Variants in EDIL3 observed in about 807,000 individuals in gnomAD.
EDIL3 encodes the protein EGF-like repeat and discoidin I-like domain-containing protein 3.
Under a neutral mutation model 67.4 loss-of-function variants are expected in EDIL3, and 37 were observed. The observed-to-expected ratio is 0.55, with a 90% CI of 0.42 to 0.72. The LOEUF is 0.72. Among genes scored for constraint, EDIL3 ranks in the 30% least tolerant of loss-of-function variants. The pLI, the probability that EDIL3 is intolerant of heterozygous loss-of-function variation, is 0.00. For missense variants in EDIL3, 527 were observed against 586.3 expected (o/e 0.90, Z 1.04); for synonymous variants, 195 against 196.3 (o/e 0.99, Z 0.05).
intron 1 of EDIL3, among the ~76,000 whole-genome samples, chr5:84,382,084 G>A (rs1206342905): frequency 6.6e-6 from 1 of 152,218 alleles, no homozygotes; most frequent in Non-Finnish European, 1.5e-5. Context: ...CTGCAGAGGT[G>A]AGGGAGAAAA....
chr5:84,019,852 T>C (rs937838292), intron 9 of EDIL3, among the ~76,000 whole-genome samples: 2 of 152,056 alleles, frequency 1.3e-5, no homozygotes, highest in African/African-American at 4.8e-5. Context: ...GTTTAGCTCC[T>C]GAGTTGCTGG....
At chr5:84,253,298 T>C (rs565609385) in intron 2 of EDIL3, among the ~76,000 whole-genome samples, 1 of 152,352 alleles carries the variant, frequency 6.6e-6, no homozygotes, top group Admixed American at 6.5e-5. Context: ...TATTCCATCT[T>C]GTACTCTTCG....
intron 7 of EDIL3, 77 bp downstream of exon 7, chr5:84,066,374 G>A: frequency 2.8e-6 from 4 of 1,452,416 alleles, no homozygotes; most frequent in Non-Finnish European, 3.6e-6. Context: ...GTCTTCTCCT[G>A]AAGACCTTGT....
chr5:84,383,191 G>A (rs1259819533), intron 1 of EDIL3, among the ~76,000 whole-genome samples: 1 of 152,112 alleles, frequency 6.6e-6, no homozygotes, highest in Non-Finnish European at 1.5e-5. Context: ...ATTACCCGCG[G>A]ATCCCTCACA....
chr5:84,182,463 TA>T (rs1214272440), intron 3 of EDIL3, among the ~76,000 whole-genome samples: 2 of 148,412 alleles, frequency 1.3e-5, no homozygotes, highest in East Asian at 4.0e-4. Context: ...CTCAAAAAAC[TA>T]AACTTTAAAA....
intron 1 of EDIL3, among the ~76,000 whole-genome samples, chr5:84,255,899 T>A (rs964438742): frequency 6.6e-6 from 1 of 152,174 alleles, no homozygotes; most frequent in Non-Finnish European, 1.5e-5. Flanking sequence ...GCTAAGAAAG[T>A]ATAAATATGT....
chr5:84,028,313 T>A (rs552983093), intron 9 of EDIL3, among the ~76,000 whole-genome samples: 39 of 152,300 alleles, frequency 2.6e-4, no homozygotes, highest in African/African-American at 9.1e-4. Flanking sequence ...GCCAGATTAA[T>A]CATTCTGGAT....
chr5:84,204,663 T>C (rs1743919444), intron 3 of EDIL3, among the ~76,000 whole-genome samples: 1 of 152,048 alleles, frequency 6.6e-6, no homozygotes, highest in Non-Finnish European at 1.5e-5. Context: ...AGCAGGCTCC[T>C]TATGACTGCA....
chr5:84,171,022 T>C (rs1748803056), intron 4 of EDIL3, among the ~76,000 whole-genome samples: 1 of 152,108 alleles, frequency 6.6e-6, no homozygotes, highest in African/African-American at 2.4e-5. Context: ...CTCGAACTCC[T>C]GGCCTCAGGT....
At chr5:83,995,128 C>T (rs1010930917) in intron 9 of EDIL3, among the ~76,000 whole-genome samples, 9 of 143,980 alleles carry the variant, frequency 6.3e-5, no homozygotes, top group Non-Finnish European at 1.0e-4. Context: ...ATTTAATTCC[C>T]GAAAGCAGTA....
chr5:84,000,770 C>T (rs1561398748), intron 9 of EDIL3, among the ~76,000 whole-genome samples: 1 of 151,990 alleles, frequency 6.6e-6, no homozygotes, highest in African/African-American at 2.4e-5. Flanking sequence ...TTTCAGACAT[C>T]TTCACTAAGC....
intron 1 of EDIL3, among the ~76,000 whole-genome samples, chr5:84,302,080 A>G (rs1187063556): frequency 2.6e-5 from 4 of 152,182 alleles, no homozygotes; most frequent in African/African-American, 9.6e-5. Context: ...TAGAAAGTAT[A>G]TCTTATACAA....
chr5:84,314,810 A>T (rs563397552), intron 1 of EDIL3, among the ~76,000 whole-genome samples: 6 of 152,182 alleles, frequency 3.9e-5, no homozygotes, highest in Non-Finnish European at 8.8e-5. Context: ...ATGTATGCTT[A>T]TTCAATTTTT....
intron 1 of EDIL3, among the ~76,000 whole-genome samples, chr5:84,365,786 C>T (rs1192082844): frequency 6.6e-6 from 1 of 152,162 alleles, no homozygotes; most frequent in African/African-American, 2.4e-5. Flanking sequence ...CCCCTTTTAA[C>T]AGCCAGACCA....
At position 84,383,004 on chromosome 5, in the gene EDIL3, G is replaced by T. The variant is rs377566272; in HGVS notation, c.67+1304C>A. On this transcript the variant is annotated intron_variant, in intron 1 of 10. Coordinates refer to ENST00000296591, the MANE Select transcript of EDIL3 (RefSeq NM_005711.5). ...GCCCAAGAGTCCACAATTTTCTTGT[G>T]ACTCAAATAGATGGATAGGTGCATG... is the stretch of plus-strand genomic sequence containing the variant. 1.7e-4 allele frequency among the ~76,000 whole-genome samples: 26 copies of T among 152,308 alleles called. No individual in the cohort carries two copies. The East Asian group carries it at 4.8e-3, about 28-fold the overall frequency.
chr5:84,117,622 A>T (rs1747694299), intron 5 of EDIL3, among the ~76,000 whole-genome samples: 1 of 151,674 alleles, frequency 6.6e-6, no homozygotes, highest in Non-Finnish European at 1.5e-5. Flanking sequence ...AAATAATCCT[A>T]TGCTTGTCCA....
chr5:84,312,258 C>T (rs1471738601), intron 1 of EDIL3, among the ~76,000 whole-genome samples: 1 of 145,690 alleles, frequency 6.9e-6, no homozygotes, highest in African/African-American at 2.6e-5. Flanking sequence ...ACCTCCCTCC[C>T]GGACGGGGCA....
chr5:84,298,392 CTG>C (rs968990918), intron 1 of EDIL3, among the ~76,000 whole-genome samples: 1 of 152,104 alleles, frequency 6.6e-6, no homozygotes, highest in African/African-American at 2.4e-5. Context: ...AAACTAAACA[CTG>C]TATGTTCTCA....
intron 4 of EDIL3, among the ~76,000 whole-genome samples, chr5:84,148,437 T>C (rs924394749): frequency 3.3e-5 from 5 of 152,190 alleles, no homozygotes; most frequent in African/African-American, 1.2e-4. Context: ...ATACTCTTAA[T>C]ATACTTCTTT....
Sources: allele counts gnomAD v4.1 joint callset (sites outside exome capture counted in the v4.1 genomes callset), GRCh38; gene constraint gnomAD v4.1.1; transcripts MANE v1.5; gene names NCBI Gene and HGNC (gene_info 2026-07-23, HGNC 2026-07-21).